Variants in CSMD1 observed in about 807,000 individuals in gnomAD.
The protein encoded by CSMD1 is CUB and sushi domain-containing protein 1.
In CSMD1, 213 loss-of-function variants were observed where a neutral mutation model predicts 417.5. The observed-to-expected ratio is 0.51, with a 90% CI of 0.46 to 0.57. CSMD1 has a LOEUF of 0.57. Ranked by LOEUF, CSMD1 falls within the 20% of genes least tolerant of loss-of-function variation. CSMD1 has a pLI of 0.00. For missense variants in CSMD1, 6,923 were observed against 4,529.7 expected (o/e 1.53, Z -15.17); for synonymous variants, 2,862 against 1,736.8 (o/e 1.65, Z -16.11).
At chr8:4,067,100 T>C (rs1420273636) in intron 3 of CSMD1, among the ~76,000 whole-genome samples, 1 of 152,200 alleles carries the variant, frequency 6.6e-6, no homozygotes, top group East Asian at 1.9e-4. Context: ...TACAAGGCTC[T>C]TTTTCCTCAA....
intron 1 of CSMD1, among the ~76,000 whole-genome samples, chr8:4,944,254 C>G (rs577632124): frequency 1.4e-4 from 21 of 152,280 alleles, no homozygotes; most frequent in Non-Finnish European, 2.1e-4. Context: ...GCGACCTCAA[C>G]AGAGCTCTGA....
intron 26 of CSMD1, among the ~76,000 whole-genome samples, chr8:3,262,369 T>C (rs1331075086): frequency 1.3e-5 from 2 of 151,168 alleles, no homozygotes; most frequent in Non-Finnish European, 2.9e-5. Context: ...TGACAAATAT[T>C]GGTAAATCTG....
At chr8:3,740,486 C>A (rs73187277) in intron 6 of CSMD1, among the ~76,000 whole-genome samples, 1 of 152,090 alleles carries the variant, frequency 6.6e-6, no homozygotes, top group South Asian at 2.1e-4. Flanking sequence ...CATCCTTCTG[C>A]GGTAAAATAC....
At chr8:4,342,559 T>C (rs1800540329) in intron 3 of CSMD1, among the ~76,000 whole-genome samples, 1 of 151,868 alleles carries the variant, frequency 6.6e-6, no homozygotes, top group Non-Finnish European at 1.5e-5. Context: ...CAGTAAGTGA[T>C]CCTCTCAGAT....
intron 2 of CSMD1, among the ~76,000 whole-genome samples, chr8:4,475,047 C>T (rs980897069): frequency 1.3e-5 from 2 of 152,050 alleles, no homozygotes; most frequent in Non-Finnish European, 2.9e-5. Context: ...GGTCAGTGTC[C>T]TAACCTCTGT....
intron 52 of CSMD1, among the ~76,000 whole-genome samples, chr8:3,002,656 A>T (rs1807513928): frequency 1.3e-5 from 2 of 152,198 alleles, no homozygotes; most frequent in African/African-American, 4.8e-5. Context: ...CTCCTTTTAA[A>T]CCTTAATATT....
chr8:4,654,613 A>G (rs2617030), intron 1 of CSMD1, among the ~76,000 whole-genome samples: 57,589 of 151,986 alleles, frequency 0.38, 11,649 homozygotes, highest in African/African-American at 0.5. Flanking sequence ...TCATATGGCT[A>G]TAGATATCAA....
At chr8:4,086,453 A>G (rs1037410331) in intron 3 of CSMD1, among the ~76,000 whole-genome samples, 25 of 152,052 alleles carry the variant, frequency 1.6e-4, no homozygotes, top group Non-Finnish European at 2.9e-5. Context: ...CTATTACTAC[A>G]CTCTAATTCA....
intron 1 of CSMD1, among the ~76,000 whole-genome samples, chr8:4,959,232 T>A (rs1489291590): frequency 6.6e-6 from 1 of 152,218 alleles, no homozygotes; most frequent in East Asian, 1.9e-4. Context: ...GCTTGTTATG[T>A]ATTTTTAAAA....
chr8:4,392,379 A>T (rs940336668), intron 3 of CSMD1, among the ~76,000 whole-genome samples: 4 of 152,158 alleles, frequency 2.6e-5, no homozygotes, highest in African/African-American at 9.7e-5. Flanking sequence ...GAAAATAGAG[A>T]TTAAAATCAG....
At chr8:3,562,841 T>C (rs1300377262) in intron 10 of CSMD1, among the ~76,000 whole-genome samples, 1 of 151,948 alleles carries the variant, frequency 6.6e-6, no homozygotes, top group African/African-American at 2.4e-5. Flanking sequence ...TACCGGGTGA[T>C]GAAATAATCT....
At chr8:3,156,208 A>T (rs181783003) in intron 39 of CSMD1, among the ~76,000 whole-genome samples, 1 of 152,332 alleles carries the variant, frequency 6.6e-6, no homozygotes, top group East Asian at 1.9e-4. Context: ...ATTTGGCAGT[A>T]TGGCATGTTT....
At chr8:3,420,071 T>C (rs1813392163) in intron 12 of CSMD1, among the ~76,000 whole-genome samples, 1 of 152,210 alleles carries the variant, frequency 6.6e-6, no homozygotes, top group South Asian at 2.1e-4. Flanking sequence ...TCTATCTCTT[T>C]GCTATTATTA....
chr8:4,834,403 T>A (rs116772453), intron 1 of CSMD1, among the ~76,000 whole-genome samples: 1,547 of 152,132 alleles, frequency 0.01, 21 homozygotes, highest in African/African-American at 0.035. Context: ...TAGCTCTAAG[T>A]CCTAACAATA....
intron 5 of CSMD1, among the ~76,000 whole-genome samples, chr8:3,974,287 C>A (rs998968834): frequency 6.6e-5 from 10 of 151,566 alleles, no homozygotes; most frequent in Non-Finnish European, 1.3e-4. Flanking sequence ...AATTATAAAT[C>A]TAGTATTCTT....
intron 10 of CSMD1, chr8:3,515,440 T>C (rs980219080): frequency 2.6e-5 from 4 of 152,214 alleles, no homozygotes; most frequent in African/African-American, 9.7e-5. Flanking sequence ...ATTTGCTAAC[T>C]AGAGATTTGC....
At chr8:4,059,520 G>A (rs187844453) in intron 3 of CSMD1, among the ~76,000 whole-genome samples, 17 of 151,942 alleles carry the variant, frequency 1.1e-4, no homozygotes, top group African/African-American at 3.9e-4. Context: ...TTTTTGAAAG[G>A]ATCAACAAAA....
At chr8:3,424,434 G>A (rs966283240) in intron 12 of CSMD1, among the ~76,000 whole-genome samples, 26 of 152,168 alleles carry the variant, frequency 1.7e-4, no homozygotes, top group African/African-American at 6.0e-4. Context: ...AAGGTAGCAC[G>A]TCTAGTCTGT....
intron 2 of CSMD1, among the ~76,000 whole-genome samples, chr8:4,546,498 T>C (rs1186786078): frequency 2.0e-5 from 3 of 152,168 alleles, no homozygotes; most frequent in Admixed American, 1.3e-4. Flanking sequence ...GAACAAAAGA[T>C]AAACGGTGAA....
Sources: gnomAD v4.1 joint callset for allele counts (sites outside exome capture counted in the v4.1 genomes callset) on GRCh38, gnomAD v4.1.1 for gene constraint, MANE v1.5 for transcripts, NCBI Gene and HGNC (gene_info 2026-07-23, HGNC 2026-07-21) for gene names.